The following CLVS1 variants were observed in gnomAD, a reference collection of about 807,000 sequenced individuals.
The protein encoded by CLVS1 is clavesin 1, also known as clavesin-1.
A neutral mutation model predicts 33.1 loss-of-function variants in CLVS1; 10 were observed. The observed-to-expected ratio is 0.30, with a 90% CI of 0.19 to 0.51. The LOEUF (loss-of-function observed/expected upper bound fraction) is 0.51, where lower values mean the gene tolerates loss of function less well. Ranked by LOEUF, CLVS1 falls within the 20% of genes least tolerant of loss-of-function variation. The probability of loss-of-function intolerance (pLI) is 0.97; values close to 1 mark genes in which losing one functional copy is unlikely to be tolerated. For synonymous variants in CLVS1, 163 were observed against 166.1 expected, an observed-to-expected ratio of 0.98 and a Z score of 0.14; for missense variants, 343 against 433.4, an observed-to-expected ratio of 0.79 and a Z score of 1.85.
chr8:61,440,793 G>T lies in CLVS1; in HGVS notation c.631-13348G>T, dbSNP rs1816510806. ...ACCTAGACCCCTCCTAACCTCAAAG[G>T]AACACTGGGTTGGTACAGCTTCTCG... On this transcript the variant is annotated intron_variant, in intron 3 of 5. Transcript: ENST00000325897. Among the ~76,000 whole-genome samples the T allele has an allele frequency of 2.0e-5, 3 of 152,272 alleles. No individual in the cohort carries two copies. In the South Asian group the frequency reaches 6.2e-4, roughly 32 times the overall value.
chr8:61,165,387 G>A (rs1806841161), intron 2 of CLVS1, among the ~76,000 whole-genome samples: 1 of 152,216 alleles, frequency 6.6e-6, no homozygotes, highest in Non-Finnish European at 1.5e-5. Flanking sequence ...GACCCAAAGG[G>A]GGTTGCCCTT....
At chr8:61,080,095 T>G (rs1417505386) in intron 1 of CLVS1, among the ~76,000 whole-genome samples, 1 of 152,234 alleles carries the variant, frequency 6.6e-6, no homozygotes, top group Non-Finnish European at 1.5e-5. Flanking sequence ...GCAAATATCG[T>G]GAATATTCTT....
At chr8:61,236,057 C>T (rs139139579) in intron 2 of CLVS1, among the ~76,000 whole-genome samples, 257 of 152,280 alleles carry the variant, frequency 1.7e-3, no homozygotes, top group African/African-American at 5.9e-3. Flanking sequence ...GACTGCTTTC[C>T]ACCCTTGGTG....
rs533201255 is a variant in CLVS1 at position 61,232,195 on chromosome 8, C to T, written c.-151-67482C>T. On this transcript the variant is annotated intron_variant, in intron 2 of 2. Coordinates refer to the CLVS1 transcript ENST00000522621. ...GACTACAGGCACCTGCAACCATGCC[C>T]GGCTAATTTTTTGTATACTTTTAGT... 1.9e-3 allele frequency among the ~76,000 whole-genome samples: 287 copies of T among 151,658 alleles called. 1 individual carries two copies. Among genetic ancestry groups the T allele is most frequent in the Middle Eastern group, 6.8e-3 (2 of 292 alleles).
chr8:61,180,553 C>A (rs1307309216), intron 2 of CLVS1, among the ~76,000 whole-genome samples: 1 of 152,166 alleles, frequency 6.6e-6, no homozygotes, highest in East Asian at 1.9e-4. Context: ...AAACTTCAGG[C>A]CAATATCCTT....
intron 1 of CLVS1, among the ~76,000 whole-genome samples, chr8:61,116,706 C>CTCTGT (rs1167799933): frequency 6.8e-6 from 1 of 146,218 alleles, no homozygotes; most frequent in Non-Finnish European, 1.5e-5. Flanking sequence ...TTTCTGAGGG[C>CTCTGT]TCTGTTCTGT....
chr8:61,102,135 C>T (rs1357342647), intron 1 of CLVS1, among the ~76,000 whole-genome samples: 1 of 152,018 alleles, frequency 6.6e-6, no homozygotes, highest in Non-Finnish European at 1.5e-5. Context: ...TTAAAGAAGC[C>T]AGATGGGATT....
chr8:61,387,384 C>T (rs549668581), intron 3 of CLVS1, among the ~76,000 whole-genome samples: 102 of 150,678 alleles, frequency 6.8e-4, no homozygotes, highest in Non-Finnish European at 1.2e-3. Flanking sequence ...AAGACTCCAT[C>T]TCAAAAACAA....
the CLVS1 span, among the ~76,000 whole-genome samples, chr8:60,979,915 A>G: frequency 1.3e-5 from 2 of 152,234 alleles, no homozygotes; most frequent in South Asian, 4.1e-4. Flanking sequence ...TTTTGTTCTA[A>G]TCACTATCAG....
chr8:61,259,022 T>A lies in CLVS1; in HGVS notation c.-151-40655T>A, dbSNP rs141069496. On this transcript the variant is annotated intron_variant, in intron 2 of 2. Transcript: ENST00000522621. ...AAAAAATTGCATTATTACAGATTCC[T>A]AAGTAAAGCTTAGGAAAGAATTCTA... 4.1e-3 allele frequency among the ~76,000 whole-genome samples: 629 copies of A among 152,354 alleles called. 3 individuals are homozygous for A. Among genetic ancestry groups the A allele is most frequent in the African/African-American group, 0.014 (597 of 41,586 alleles).
intron 2 of CLVS1, among the ~76,000 whole-genome samples, chr8:61,252,083 T>C (rs1401508994): frequency 1.3e-5 from 2 of 152,222 alleles, no homozygotes; most frequent in African/African-American, 4.8e-5. Flanking sequence ...TACACACTGC[T>C]TTAAATGTGT....
intron 2 of CLVS1, among the ~76,000 whole-genome samples, chr8:61,161,205 A>T (rs1321349397): frequency 8.3e-6 from 1 of 120,214 alleles, no homozygotes; most frequent in Non-Finnish European, 2.2e-5. Flanking sequence ...GAGAGAAGTG[A>T]ACCCTTGTAC....
intron 1 of CLVS1, among the ~76,000 whole-genome samples, chr8:61,068,777 C>T (rs1804732771): frequency 6.6e-6 from 1 of 152,316 alleles, no homozygotes; most frequent in Admixed American, 6.5e-5. Context: ...ATCCTCTTGT[C>T]CTGTGCCCCT....
chr8:61,204,667 T>G lies in CLVS1; in HGVS notation c.-152+72807T>G, dbSNP rs147946494. ...AAAATAAATGTTAAGTGCTACAAATTGCTTTGTATAGCTACTTTTCTATTA... is the reference window on the plus strand; with the variant it reads ...AAAATAAATGTTAAGTGCTACAAATGGCTTTGTATAGCTACTTTTCTATTA... On this transcript the variant is annotated intron_variant, in intron 2 of 2. Transcript: ENST00000522621. Among the ~76,000 whole-genome samples the G allele has an allele frequency of 4.2e-3, 644 of 152,346 alleles. 3 individuals carry two copies. Among genetic ancestry groups the G allele is most frequent in the Non-Finnish European group, 7.2e-3 (491 of 68,032 alleles).
intron 3 of CLVS1, among the ~76,000 whole-genome samples, chr8:61,432,641 A>G (rs560865291): frequency 4.9e-4 from 75 of 152,360 alleles, no homozygotes; most frequent in African/African-American, 1.5e-3. Flanking sequence ...TGTTTAAACC[A>G]TCGAGTCTGT....
intron 5 of CLVS1, among the ~76,000 whole-genome samples, chr8:61,491,793 C>T (rs957720615): frequency 2.0e-5 from 3 of 152,152 alleles, no homozygotes; most frequent in Non-Finnish European, 2.9e-5. Context: ...GTTACTTCCT[C>T]GAGTTTTATT....
chr8:61,051,975 G>T, the CLVS1 span, among the ~76,000 whole-genome samples: 1 of 152,246 alleles, frequency 6.6e-6, no homozygotes, highest in African/African-American at 2.4e-5. Flanking sequence ...TTTGCTGGCT[G>T]GACTGTGCCA....
At chr8:61,000,799 C>A in the CLVS1 span, among the ~76,000 whole-genome samples, 1 of 152,034 alleles carries the variant, frequency 6.6e-6, no homozygotes, top group Non-Finnish European at 1.5e-5. Flanking sequence ...GTGACTGAAC[C>A]CTCCCAGTAG....
intron 1 of CLVS1, among the ~76,000 whole-genome samples, chr8:61,118,416 T>A (rs1043373994): frequency 1.9e-5 from 2 of 107,118 alleles, no homozygotes; most frequent in African/African-American, 5.1e-5. Context: ...TTCTGCTAGC[T>A]TTTGAATGTG....
Sources: allele counts gnomAD v4.1 joint callset (sites outside exome capture counted in the v4.1 genomes callset), GRCh38; gene constraint gnomAD v4.1.1; transcripts MANE v1.5; gene names NCBI Gene and HGNC (gene_info 2026-07-23, HGNC 2026-07-21).